PHKB: variants seen among roughly 807,000 people sequenced by gnomAD.
PHKB encodes the protein phosphorylase b kinase regulatory subunit beta.
In PHKB, 122 loss-of-function variants were observed where a neutral mutation model predicts 152.1. The observed-to-expected ratio is 0.80, with a 90% CI of 0.69 to 0.93. The LOEUF (loss-of-function observed/expected upper bound fraction) is 0.93. Among genes scored for constraint, PHKB ranks in the 40% least tolerant of loss-of-function variants. The pLI is 0.00. For missense variants in PHKB, 1,304 were observed against 1,328.4 expected (o/e 0.98, Z 0.29); for synonymous variants, 436 against 464.9 (o/e 0.94, Z 0.80).
At chr16:47,688,105 G>A (rs1026477426) in intron 26 of PHKB, among the ~76,000 whole-genome samples, 3 of 152,224 alleles carry the variant, frequency 2.0e-5, no homozygotes, top group African/African-American at 7.2e-5. Context: ...AGGCGTGGGG[G>A]AGAAAGGCAG....
chr16:47,523,996 C>T (rs1287472900), intron 6 of PHKB, among the ~76,000 whole-genome samples: 1 of 152,008 alleles, frequency 6.6e-6, no homozygotes, highest in Non-Finnish European at 1.5e-5. Context: ...GATATATAAA[C>T]CTACTACAGA....
intron 1 of PHKB, among the ~76,000 whole-genome samples, chr16:47,472,038 A>G (rs570316010): frequency 6.6e-6 from 1 of 152,234 alleles, no homozygotes; most frequent in South Asian, 2.1e-4. Context: ...CCTGGGTGAC[A>G]GAGAGAGACT....
rs140813343 is a variant in PHKB at position 47,668,085 on chromosome 16, A to G, written c.2428-1130A>G. Among the ~76,000 whole-genome samples, 117 of 152,310 alleles carry G rather than the reference A, an allele frequency of 7.7e-4. 1 individual carries two copies. The highest frequency in any genetic ancestry group is 2.6e-3 in the African/African-American group (107 of 41,582). On this transcript the variant is annotated intron_variant, in intron 25 of 30. Coordinates refer to ENST00000323584, the MANE Select transcript of PHKB (RefSeq NM_000293.3). ...AAGAAATGAGAATGGAGCATTCAGA[A>G]TTTTTACTCGTGCGTTATTCAAATG...
rs914282944 is a variant in PHKB, at chr16:47,497,460, G to T, written c.138G>T (p.Trp46Cys). 2 of 1,607,834 alleles carry T rather than the reference G, an allele frequency of 1.2e-6. No individual in the cohort carries two copies. The highest frequency in any genetic ancestry group is 1.1e-5 in the South Asian group (1 of 90,954). ...NLPRPDNETL[W>C]DKLDHYYRIV... ...CAAGACCTGATAATGAAACTCTCTG[G>T]GATAAGTTGGACCATTATTACAGAA... Residue 46 changes from tryptophan to cysteine, a missense_variant, in exon 2 of 31, where the codon TGG (tryptophan) becomes TGT (cysteine). Physicochemically the swap from Trp to Cys is radical, Grantham distance 215. Transcript: ENST00000323584.
intron 20 of PHKB, among the ~76,000 whole-genome samples, chr16:47,659,249 T>A (rs974709324): frequency 6.6e-6 from 1 of 152,246 alleles, no homozygotes; most frequent in African/African-American, 2.4e-5. Flanking sequence ...TGATCTACTT[T>A]GTTTATGAGT....
At chr16:47,660,455 G>A (rs758656506) in intron 20 of PHKB, 51 bp from the exon 21 acceptor site, 24 of 1,415,544 alleles carry the variant, frequency 1.7e-5, no homozygotes, top group Non-Finnish European at 2.4e-5. Context: ...GGCCATTAGA[G>A]TATGGCTTGA....
At chr16:47,610,772 T>A in intron 13 of PHKB, 54 bp from the exon 14 acceptor site, 1 of 968,324 alleles carries the variant, frequency 1.0e-6, no homozygotes, top group South Asian at 1.3e-5. Flanking sequence ...CTAGTTGGTT[T>A]ATAGTGTTAT....
At chr16:47,589,290 G>A (rs1971988232) in intron 10 of PHKB, among the ~76,000 whole-genome samples, 188 bp downstream of exon 10, 1 of 152,124 alleles carries the variant, frequency 6.6e-6, no homozygotes, top group Non-Finnish European at 1.5e-5. Flanking sequence ...ATATCATGAG[G>A]TTCTTATGAC....
intron 1 of PHKB, among the ~76,000 whole-genome samples, chr16:47,468,607 C>T (rs1269339371): frequency 2.0e-5 from 3 of 152,192 alleles, no homozygotes; most frequent in Admixed American, 6.5e-5. Context: ...GAGCTGAGAT[C>T]GTGCCATTGC....
At chr16:47,640,378 T>G (rs1010821794) in intron 14 of PHKB, among the ~76,000 whole-genome samples, 1 of 152,218 alleles carries the variant, frequency 6.6e-6, no homozygotes, top group Non-Finnish European at 1.5e-5. Context: ...AATTTAACAA[T>G]GTATAATACA....
At chr16:47,546,533 C>T (rs1283168999) in intron 6 of PHKB, among the ~76,000 whole-genome samples, 3 of 152,140 alleles carry the variant, frequency 2.0e-5, no homozygotes, top group African/African-American at 2.4e-5. Context: ...CCTACTCGGA[C>T]GTGTCTCCAA....
intron 7 of PHKB, among the ~76,000 whole-genome samples, chr16:47,573,913 C>T (rs369535759): frequency 1.3e-5 from 2 of 148,566 alleles, no homozygotes; most frequent in East Asian, 3.9e-4. Flanking sequence ...TGGGAGTGCA[C>T]GCAAAACAAT....
intron 27 of PHKB, 124 bp from the exon 28 acceptor site, chr16:47,693,254 C>T: frequency 2.3e-6 from 2 of 872,324 alleles, no homozygotes; most frequent in Non-Finnish European, 1.9e-6. Flanking sequence ...CGGAGATATG[C>T]ATCATTGATG....
intron 14 of PHKB, among the ~76,000 whole-genome samples, chr16:47,617,430 A>G (rs999377834): frequency 1.5e-4 from 23 of 152,002 alleles, no homozygotes; most frequent in Admixed American, 6.6e-4. Context: ...GTACCCATTA[A>G]GCAGTGACCC....
intron 8 of PHKB, among the ~76,000 whole-genome samples, chr16:47,582,297 C>T (rs1971860909): frequency 6.6e-6 from 1 of 151,992 alleles, no homozygotes; most frequent in Non-Finnish European, 1.5e-5. Flanking sequence ...CTGTATGCAC[C>T]CCTTCCTATT....
At chr16:47,500,383 T>C (rs1000787300) in intron 3 of PHKB, among the ~76,000 whole-genome samples, 2 of 152,216 alleles carry the variant, frequency 1.3e-5, no homozygotes, top group African/African-American at 4.8e-5. Flanking sequence ...TTCTAAGATT[T>C]TATGACTTTG....
chr16:47,504,659 C>T (rs1214571144), intron 4 of PHKB, among the ~76,000 whole-genome samples: 2 of 152,220 alleles, frequency 1.3e-5, no homozygotes, highest in Non-Finnish European at 2.9e-5. Context: ...TATTTAATTT[C>T]CATGTGCCCC....
At chr16:47,526,253 G>A (rs1970764735) in intron 6 of PHKB, among the ~76,000 whole-genome samples, 1 of 151,870 alleles carries the variant, frequency 6.6e-6, no homozygotes, top group South Asian at 2.1e-4. Flanking sequence ...TACTAAAAAT[G>A]CAAAAATTAT....
intron 1 of PHKB, among the ~76,000 whole-genome samples, chr16:47,493,211 G>A (rs1330339842): frequency 6.6e-6 from 1 of 152,158 alleles, no homozygotes; most frequent in African/African-American, 2.4e-5. Context: ...AATGAGGCCA[G>A]TACACCAGGA....
Sources: gnomAD v4.1 joint callset for allele counts (sites outside exome capture counted in the v4.1 genomes callset) on GRCh38, gnomAD v4.1.1 for gene constraint, MANE v1.5 for transcripts, NCBI Gene and HGNC (gene_info 2026-07-23, HGNC 2026-07-21) for gene names.